TBC1D22B: variants seen among roughly 807,000 people sequenced by gnomAD.
TBC1D22B encodes chromosome 6 open reading frame 197.
Under a neutral mutation model 69.1 loss-of-function variants are expected in TBC1D22B, and 32 were observed. The observed-to-expected ratio is 0.46, with a 90% CI of 0.35 to 0.62. The LOEUF (loss-of-function observed/expected upper bound fraction) is 0.62. Among genes scored for constraint, TBC1D22B ranks in the 20% least tolerant of loss-of-function variants. The probability of loss-of-function intolerance (pLI) is 0.00; values close to 1 mark genes in which losing one functional copy is unlikely to be tolerated. For synonymous variants in TBC1D22B, 206 were observed against 229.8 expected, an observed-to-expected ratio of 0.90 and a Z score of 0.94; for missense variants, 462 against 630.9, an observed-to-expected ratio of 0.73 and a Z score of 2.87.
chr6:37,257,956 C>T lies in TBC1D22B; in HGVS notation c.39C>T (p.Ser13=), dbSNP rs1447570173. Residue 13 remains serine (S), a synonymous_variant, in exon 1 of 13, where the codon AGC becomes AGT. Coordinates refer to ENST00000373491, the MANE Select transcript of TBC1D22B (RefSeq NM_017772.4). ...ACAGCAAGCAGTTTTGGAAGAGGAG[C>T]GCTAAGCTGCCGGGGAGGTGAGCCC... is the stretch of plus-strand genomic sequence containing the variant. The part of the protein sequence containing the change: ...AENSKQFWKR[S]AKLPGSIQPV... 1.9e-6 allele frequency: 3 copies of T among 1,613,946 alleles called. No homozygotes were observed. Among genetic ancestry groups the T allele is most frequent in the African/African-American group, 1.3e-5 (1 of 74,918 alleles).
intron 12 of TBC1D22B, among the ~76,000 whole-genome samples, 178 bp downstream of exon 12, chr6:37,317,384 G>A (rs1297405876): frequency 6.6e-6 from 1 of 152,182 alleles, no homozygotes; most frequent in African/African-American, 2.4e-5. Context: ...TGGAGCCCAG[G>A]GGTTCTTCAG....
At chr6:37,309,233 T>G (rs1438105351) in intron 8 of TBC1D22B, among the ~76,000 whole-genome samples, 1 of 152,212 alleles carries the variant, frequency 6.6e-6, no homozygotes, top group Non-Finnish European at 1.5e-5. Context: ...GGACTTGAGC[T>G]CTGCAGCCTG....
rs182995466 is a variant in TBC1D22B at position 37,301,763 on chromosome 6, T to C, written c.982+10406T>C. Among the ~76,000 whole-genome samples, 53 of 152,354 alleles carry C rather than the reference T, an allele frequency of 3.5e-4. 1 individual carries two copies. The highest frequency in any genetic ancestry group is 3.4e-3 in the Middle Eastern group (1 of 294). On this transcript the variant is annotated intron_variant, in intron 8 of 12. Coordinates refer to ENST00000373491, the MANE Select transcript of TBC1D22B (RefSeq NM_017772.4). ...TTTTTTGTCTGGGCAATGATGCTTC[T>C]CTTCTCTACTTCTCTCATGTTGGCG...
chr6:37,329,025 C>T (rs1231283113), intron 12 of TBC1D22B, among the ~76,000 whole-genome samples: 2 of 142,120 alleles, frequency 1.4e-5, no homozygotes, highest in East Asian at 4.2e-4. Context: ...CTGCGCCCAG[C>T]CCAGAGTAGT....
intron 1 of TBC1D22B, among the ~76,000 whole-genome samples, chr6:37,264,578 A>G (rs940343985): frequency 6.6e-6 from 1 of 152,142 alleles, no homozygotes; most frequent in Non-Finnish European, 1.5e-5. Flanking sequence ...CTCAAAGTGC[A>G]GGGATTACAG....
chr6:37,277,056 C>T (rs556193697), intron 2 of TBC1D22B, among the ~76,000 whole-genome samples: 2 of 152,236 alleles, frequency 1.3e-5, no homozygotes, highest in South Asian at 4.2e-4. Flanking sequence ...GCAGCCTGGC[C>T]CGTCTCTCCC....
intron 12 of TBC1D22B, among the ~76,000 whole-genome samples, chr6:37,317,956 A>G (rs751631460): frequency 6.6e-6 from 1 of 152,214 alleles, no homozygotes; most frequent in African/African-American, 2.4e-5. Flanking sequence ...AGGTGAGGTC[A>G]GAGGAGTCAC....
chr6:37,285,315 C>T (rs1374785238), intron 6 of TBC1D22B, among the ~76,000 whole-genome samples: 40 of 73,554 alleles, frequency 5.4e-4, no homozygotes, highest in Admixed American at 8.9e-4. Context: ...TCCTTCCCCA[C>T]TTTTTTTTTT....
chr6:37,306,682 G>C (rs1283832826), intron 8 of TBC1D22B, among the ~76,000 whole-genome samples: 1 of 152,240 alleles, frequency 6.6e-6, no homozygotes, highest in Non-Finnish European at 1.5e-5. Flanking sequence ...AAACTTGGTG[G>C]TATGTTGGTT....
intron 8 of TBC1D22B, among the ~76,000 whole-genome samples, chr6:37,300,336 T>C (rs937947820): frequency 2.6e-5 from 4 of 151,408 alleles, no homozygotes; most frequent in Non-Finnish European, 5.9e-5. Context: ...TTTATAAAGT[T>C]GTTAAATTAT....
At chr6:37,295,624 A>G (rs1432334548) in intron 8 of TBC1D22B, 5 of 434,340 alleles carry the variant, frequency 1.2e-5, no homozygotes, top group South Asian at 9.6e-5. Flanking sequence ...TGAGTTTACT[A>G]TTATCAATGG....
intron 6 of TBC1D22B, among the ~76,000 whole-genome samples, chr6:37,286,671 C>T (rs370315513): frequency 1.1e-4 from 17 of 151,018 alleles, no homozygotes; most frequent in South Asian, 2.1e-4. Flanking sequence ...GGGCCAGGCA[C>T]GGTGGCTCAC....
chr6:37,285,916 T>C (rs575462595), intron 6 of TBC1D22B, among the ~76,000 whole-genome samples: 3 of 152,196 alleles, frequency 2.0e-5, no homozygotes, highest in Non-Finnish European at 4.4e-5. Context: ...GCCATCGCCC[T>C]GGCCCTTCCC....
At chr6:37,327,145 G>A (rs1031589096) in intron 12 of TBC1D22B, among the ~76,000 whole-genome samples, 3 of 151,936 alleles carry the variant, frequency 2.0e-5, no homozygotes, top group South Asian at 2.1e-4. Context: ...CATGGGGGTG[G>A]GGGCATGTAG....
intron 1 of TBC1D22B, among the ~76,000 whole-genome samples, chr6:37,268,673 A>ACTATATC (rs1281065795): frequency 1.3e-5 from 2 of 152,188 alleles, no homozygotes; most frequent in African/African-American, 4.8e-5. Context: ...TCCAGAGAGA[A>ACTATATC]CTATATCCTT....
At chr6:37,311,944 A>T (rs748343260) in intron 8 of TBC1D22B, among the ~76,000 whole-genome samples, 6 of 152,242 alleles carry the variant, frequency 3.9e-5, no homozygotes, top group Non-Finnish European at 8.8e-5. Context: ...TGGGAGTTAA[A>T]CATGGGCTAG....
chr6:37,312,838 C>T, intron 8 of TBC1D22B, 80 bp from the exon 9 acceptor site: 1 of 1,183,674 alleles, frequency 8.4e-7, no homozygotes, highest in Non-Finnish European at 1.2e-6. Context: ...TTAAAGACCC[C>T]ATTGAAGACA....
chr6:37,315,003 T>A (rs1400811033), intron 10 of TBC1D22B, among the ~76,000 whole-genome samples: 1 of 152,198 alleles, frequency 6.6e-6, no homozygotes, highest in Non-Finnish European at 1.5e-5. Flanking sequence ...TTTGGGCCCC[T>A]TGTGCAGGTC....
At chr6:37,291,450 A>G (rs1767180395) in intron 8 of TBC1D22B, 93 bp downstream of exon 8, 1 of 883,248 alleles carries the variant, frequency 1.1e-6, no homozygotes, top group African/African-American at 1.7e-5. Context: ...GCCAGTAGGT[A>G]TGTCTTGCTA....
Sources: gnomAD v4.1 joint callset for allele counts (sites outside exome capture counted in the v4.1 genomes callset) on GRCh38, gnomAD v4.1.1 for gene constraint, MANE v1.5 for transcripts, NCBI Gene and HGNC (gene_info 2026-07-23, HGNC 2026-07-21) for gene names.